Variants in CDC42SE2 observed in about 807,000 individuals in gnomAD.
CDC42SE2 encodes CDC42 small effector protein 2.
CDC42SE2 carries 3 observed loss-of-function variants against 11.5 expected under a neutral mutation model. The ratio of observed to expected loss-of-function variants is 0.26; its 90% CI spans 0.12 to 0.67. The LOEUF is 0.67. Among genes scored for constraint, CDC42SE2 ranks in the 30% least tolerant of loss-of-function variants. The probability of loss-of-function intolerance (pLI) is 0.80; values close to 1 mark genes in which losing one functional copy is unlikely to be tolerated. For missense variants in CDC42SE2, 82 were observed against 106.8 expected, an observed-to-expected ratio of 0.77 and a Z score of 1.02; for synonymous variants, 33 against 34.8, an observed-to-expected ratio of 0.95 and a Z score of 0.18.
At chr5:131,370,008 TC>T (rs1749971798) in intron 3 of CDC42SE2, among the ~76,000 whole-genome samples, 1 of 152,200 alleles carries the variant, frequency 6.6e-6, no homozygotes, top group African/African-American at 2.4e-5. Context: ...CCAACATACA[TC>T]CATGTCAGCC....
chr5:131,229,015 A>G, the CDC42SE2 span, among the ~76,000 whole-genome samples: 9 of 152,182 alleles, frequency 5.9e-5, no homozygotes, highest in Non-Finnish European at 1.2e-4. Context: ...AGACTAATAC[A>G]ATCCTGAGGT....
At chr5:131,239,959 C>G in the CDC42SE2 span, among the ~76,000 whole-genome samples, 1 of 152,292 alleles carries the variant, frequency 6.6e-6, no homozygotes, top group African/African-American at 2.4e-5. Context: ...TATATCCCTG[C>G]TTTAGAAGGG....
At chr5:131,343,579 G>A (rs772319275) in intron 2 of CDC42SE2, among the ~76,000 whole-genome samples, 14 of 152,196 alleles carry the variant, frequency 9.2e-5, no homozygotes, top group Middle Eastern at 3.4e-3. Context: ...AGGTGTGGTG[G>A]TGCATGCCTA....
chr5:131,332,237 G>C lies in CDC42SE2; in HGVS notation c.-286+16093G>C, dbSNP rs563269832. ...GCGGTGTTTGGTTTTTTGTCCTTGC[G>C]ATAGTTTGCTGAGAATGATGGTTTC... On this transcript the variant is annotated intron_variant, in intron 2 of 4. Coordinates refer to ENST00000505065, the MANE Select transcript of CDC42SE2 (RefSeq NM_001375635.1). Among the ~76,000 whole-genome samples the C allele has an allele frequency of 5.3e-5, 8 of 152,142 alleles. No individual in the cohort carries two copies. The South Asian group carries it at 1.7e-3, about 32-fold the overall frequency.
chr5:131,330,392 T>C (rs1297075187), intron 2 of CDC42SE2, among the ~76,000 whole-genome samples: 1 of 152,230 alleles, frequency 6.6e-6, no homozygotes, highest in Non-Finnish European at 1.5e-5. Context: ...AGTTTTTTTT[T>C]CTGTTCCTGA....
chr5:131,334,806 G>T (rs1220769610), intron 2 of CDC42SE2, among the ~76,000 whole-genome samples: 1 of 152,114 alleles, frequency 6.6e-6, no homozygotes, highest in East Asian at 1.9e-4. Context: ...GGGATGGGTG[G>T]TGATATCCCC....
intron 2 of CDC42SE2, among the ~76,000 whole-genome samples, chr5:131,325,418 C>T (rs1758274933): frequency 6.6e-6 from 1 of 150,682 alleles, no homozygotes; most frequent in South Asian, 2.1e-4. Context: ...AGCTTACCAG[C>T]TTCCCCTTTG....
intron 2 of CDC42SE2, among the ~76,000 whole-genome samples, chr5:131,333,427 T>C (rs1025662499): frequency 6.6e-5 from 10 of 152,216 alleles, no homozygotes; most frequent in African/African-American, 2.4e-4. Flanking sequence ...TTCTTTTGGC[T>C]TAGGATTGAC....
chr5:131,337,315 T>C (rs1758593185), intron 2 of CDC42SE2, among the ~76,000 whole-genome samples: 1 of 152,190 alleles, frequency 6.6e-6, no homozygotes, highest in Non-Finnish European at 1.5e-5. Context: ...TGCTGCCTGA[T>C]CGTTCGTCTG....
At chr5:131,242,268 T>A (rs1225029718), upstream of CDC42SE2, among the ~76,000 whole-genome samples, 2 of 152,236 alleles carry the variant, frequency 1.3e-5, no homozygotes, top group Non-Finnish European at 2.9e-5. Flanking sequence ...TTCTGGATTC[T>A]TTTTTCCTTC....
intron 2 of CDC42SE2, among the ~76,000 whole-genome samples, chr5:131,352,083 A>G (rs1749343241): frequency 6.6e-6 from 1 of 152,260 alleles, no homozygotes; most frequent in African/African-American, 2.4e-5. Context: ...TTTAAACCAC[A>G]GCAAGATACT....
At chr5:131,244,303 A>G (rs1756562117), upstream of CDC42SE2, among the ~76,000 whole-genome samples, 1 of 152,236 alleles carries the variant, frequency 6.6e-6, no homozygotes, top group African/African-American at 2.4e-5. Flanking sequence ...GACCCAAAAT[A>G]CCAGAAAAGA....
chr5:131,288,646 C>T (rs1280410297), intron 1 of CDC42SE2, among the ~76,000 whole-genome samples: 3 of 152,160 alleles, frequency 2.0e-5, no homozygotes, highest in Non-Finnish European at 4.4e-5. Flanking sequence ...AGGTTTGAGC[C>T]ACTGGGCCTG....
intron 1 of CDC42SE2, among the ~76,000 whole-genome samples, chr5:131,269,058 G>A (rs1756938535): frequency 6.6e-6 from 1 of 151,912 alleles, no homozygotes; most frequent in African/African-American, 2.4e-5. Context: ...GAGGAATTTA[G>A]CTTTTAAATT....
intron 2 of CDC42SE2, among the ~76,000 whole-genome samples, chr5:131,335,825 A>G (rs1346140966): frequency 6.6e-6 from 1 of 152,132 alleles, no homozygotes; most frequent in Non-Finnish European, 1.5e-5. Context: ...TGCTTGGTAG[A>G]TCTTCCTCCA....
At chr5:131,283,682 G>T (rs765956067) in intron 1 of CDC42SE2, among the ~76,000 whole-genome samples, 1 of 151,790 alleles carries the variant, frequency 6.6e-6, no homozygotes, top group Non-Finnish European at 1.5e-5. Flanking sequence ...TAATGGAGAC[G>T]AGGTTTCTCC....
At chr5:131,211,846 C>T in the CDC42SE2 span, among the ~76,000 whole-genome samples, 3 of 151,446 alleles carry the variant, frequency 2.0e-5, no homozygotes, top group South Asian at 6.2e-4. Context: ...GAGCCGGGCT[C>T]GGTGGCACGT....
chr5:131,363,516 A>G (rs1749770627), intron 3 of CDC42SE2, among the ~76,000 whole-genome samples: 1 of 151,028 alleles, frequency 6.6e-6, no homozygotes, highest in South Asian at 2.1e-4. Context: ...AGCTGGAATT[A>G]CAGGCACCCT....
chr5:131,325,423 C>T (rs1253780854), intron 2 of CDC42SE2, among the ~76,000 whole-genome samples: 1 of 150,492 alleles, frequency 6.6e-6, no homozygotes, highest in African/African-American at 2.4e-5. Flanking sequence ...ACCAGCTTCC[C>T]CTTTGTGGAT....
Sources: allele counts gnomAD v4.1 joint callset (sites outside exome capture counted in the v4.1 genomes callset), GRCh38; gene constraint gnomAD v4.1.1; transcripts MANE v1.5; gene names NCBI Gene and HGNC (gene_info 2026-07-23, HGNC 2026-07-21).